KIAA1210: variants seen among roughly 807,000 people sequenced by gnomAD.
KIAA1210 encodes the protein acrosomal protein KIAA1210.
In KIAA1210, 48 loss-of-function variants were observed where a neutral mutation model predicts 78.9. The observed-to-expected ratio is 0.61, with a 90% CI of 0.48 to 0.77. KIAA1210 has a LOEUF of 0.77. Ranked by LOEUF, KIAA1210 falls within the 30% of genes least tolerant of loss-of-function variation. KIAA1210 has a pLI of 0.00. For missense variants in KIAA1210, 1,108 were observed against 1,100.0 expected (o/e 1.01, Z -0.10); for synonymous variants, 406 against 404.5 (o/e 1.00, Z -0.04).
At chrX:119,144,523 C>G in intron 2 of KIAA1210, among the ~76,000 whole-genome samples, 1 of 111,708 alleles carries the variant, frequency 9.0e-6, no homozygotes, top group Non-Finnish European at 1.9e-5. Context: ...TTTATTATTC[C>G]CACTTTACAG....
At chrX:119,140,293 C>A (rs1251563732) in intron 2 of KIAA1210, among the ~76,000 whole-genome samples, 1 of 111,176 alleles carries the variant, frequency 9.0e-6, no homozygotes, top group Non-Finnish European at 1.9e-5. Flanking sequence ...CCCTGGGAGG[C>A]CGAGGCAGGT....
intron 8 of KIAA1210, among the ~76,000 whole-genome samples, chrX:119,092,303 C>T (rs1272118172): frequency 9.0e-6 from 1 of 111,696 alleles, no homozygotes; most frequent in African/African-American, 3.3e-5. Context: ...CTATCTGCTG[C>T]ATCCTTAGCT....
chrX:119,094,157 G>T, intron 7 of KIAA1210: 2 of 740,248 alleles, frequency 2.7e-6, no homozygotes, highest in South Asian at 5.1e-5. Context: ...GGGATTCTCC[G>T]ATTTGCTTCA....
intron 10 of KIAA1210, among the ~76,000 whole-genome samples, chrX:119,083,998 CAAAAAAAAAAAAAA>C (rs751363845): frequency 1.8e-4 from 3 of 16,963 alleles, no homozygotes; most frequent in South Asian, 6.3e-3. Flanking sequence ...GAACCTGTCT[CAAAAAAAAAAAAAA>C]AAAAAAAAAA....
At chrX:119,133,620 GGGAACC>G (rs1569323459) in intron 2 of KIAA1210, among the ~76,000 whole-genome samples, 3 of 110,316 alleles carry the variant, frequency 2.7e-5, no homozygotes, top group African/African-American at 9.9e-5. Context: ...GCACCCTCAC[GGGAACC>G]TGGGTAGAGG....
In KIAA1210 at chrX:119,089,601, A is replaced by G. The variant is rs774771067; in HGVS notation, c.1101T>C (p.Ser367=). The G allele has an allele frequency of 8.3e-7, 1 of 1,211,580 alleles. No homozygotes were observed. The highest frequency in any genetic ancestry group is 1.1e-6 in the Non-Finnish European group (1 of 895,388). The change falls in exon 9 of 12, where the codon AGT becomes AGC. Residue 367 remains serine (S), a synonymous_variant. Transcript: ENST00000691062. ...ATTCACACCCACTCAATCCTGAAAC[A>G]CTTGCTCCTTTTCTTCTCCATCTTC... The part of the protein sequence containing the change: ...YGRRWRRKGA[S]VSGLSGCEFK...
At chrX:119,132,615 C>CA (rs1433702318), upstream of KIAA1210, among the ~76,000 whole-genome samples, 4 of 111,538 alleles carry the variant, frequency 3.6e-5, no homozygotes, top group African/African-American at 1.3e-4. Context: ...ACCCTCAGGA[C>CA]AATGTCTTTA....
In KIAA1210 at chrX:119,079,929, C is replaced by G. The variant is rs1245077058; in HGVS notation, c.*1400G>C. On this transcript the variant is annotated 3_prime_UTR_variant, in exon 12 of 12. Coordinates refer to ENST00000691062, the MANE Select transcript of KIAA1210 (RefSeq NM_001394962.1). Reference sequence around the variant, plus strand: ...TGCTTTGGGCTAAAACCTTGTGAAGCAAAGACAGCTGAGGGGAAAGGACAA... The same window carrying G: ...TGCTTTGGGCTAAAACCTTGTGAAGGAAAGACAGCTGAGGGGAAAGGACAA... The G allele has an allele frequency of 8.9e-6, 1 of 111,872 alleles. No homozygotes were observed. The highest frequency in any genetic ancestry group is 1.9e-5 in the Non-Finnish European group (1 of 53,200). The allele number at this position is 111,872 out of a possible 1,213,427, so 9.2% of individuals were successfully genotyped here. A position where few individuals can be genotyped will look rare whatever the true frequency, so the allele number is the denominator to read the frequency against.
chrX:119,144,822 C>A lies in KIAA1210; in HGVS notation c.410+2651G>T, dbSNP rs777411933. On this transcript the variant is annotated intron_variant, in intron 2 of 13. Coordinates refer to the KIAA1210 transcript ENST00000402510. ...TCCTGAAAAGTAGGTACCATTGTTA[C>A]TTCTTGTTTTACAGATGAGAAAACT... is the stretch of plus-strand genomic sequence containing the variant. Among the ~76,000 whole-genome samples, 8 of 111,840 alleles carry A rather than the reference C, an allele frequency of 7.2e-5. No homozygotes were observed. In the South Asian group the frequency reaches 2.7e-3, roughly 37 times the overall value.
chrX:119,101,790 G>C (rs1927741860), intron 6 of KIAA1210, among the ~76,000 whole-genome samples: 1 of 111,654 alleles, frequency 9.0e-6, no homozygotes, highest in Admixed American at 9.5e-5. Context: ...AACTAGTATA[G>C]AGAATAAGAA....
chrX:119,121,776 T>TA (rs910166087), intron 2 of KIAA1210, among the ~76,000 whole-genome samples: 7 of 105,924 alleles, frequency 6.6e-5, no homozygotes, highest in East Asian at 5.7e-4. Context: ...TATTTATTAT[T>TA]TTTTTTTTTT....
intron 3 of KIAA1210, among the ~76,000 whole-genome samples, chrX:119,110,872 A>C (rs773776658): frequency 9.0e-6 from 1 of 111,449 alleles, no homozygotes; most frequent in African/African-American, 3.2e-5. Context: ...AGTACTTCAC[A>C]AAATGATCTA....
intron 2 of KIAA1210, chrX:119,147,345 G>A (rs1929191116): frequency 9.3e-6 from 7 of 748,943 alleles, no homozygotes; most frequent in Non-Finnish European, 1.2e-5. Flanking sequence ...ATCTCAAATT[G>A]TAACCCACAC....
At chrX:119,109,288 T>C (rs757972783) in intron 3 of KIAA1210, 86 bp from the exon 4 acceptor site, 1 of 926,653 alleles carries the variant, frequency 1.1e-6, no homozygotes, top group African/African-American at 2.0e-5. Flanking sequence ...TGGCCTACCA[T>C]AGATACCTCA....
chrX:119,132,059 C>A (rs1181199207), upstream of KIAA1210, among the ~76,000 whole-genome samples: 3 of 111,419 alleles, frequency 2.7e-5, no homozygotes, highest in Non-Finnish European at 5.7e-5. Context: ...TGAGACCCTG[C>A]CTCAGAGGGG....
rs377593188 is a variant in KIAA1210, at chrX:119,088,386, T to A, written c.2316A>T (p.Arg772Ser). The part of the protein sequence containing the change: ...QSDSVEPIPP[R>S]HPFQPWVNPK... ...GGTTCACCCATGGCTGGAAAGGGTG[T>A]CTTGGAGGGATTGGCTCCACGGAAT... Residue 772 changes from arginine (R) to serine (S), a missense_variant, in exon 9 of 12, where the codon AGA (arginine) becomes AGT (serine). By Grantham distance (110) the Arg-to-Ser change is moderately radical. This residue lies in a region of KIAA1210 where 672 missense variants were observed against 607.1 expected (regional missense o/e 1.11). Coordinates refer to ENST00000691062, the MANE Select transcript of KIAA1210 (RefSeq NM_001394962.1). 8.3e-7 allele frequency: 1 copy of A among 1,211,139 alleles called. No homozygotes were observed. The highest frequency in any genetic ancestry group is 1.1e-6 in the Non-Finnish European group (1 of 895,265).
chrX:119,091,980 A>G (rs916496400), intron 8 of KIAA1210, among the ~76,000 whole-genome samples: 4 of 111,517 alleles, frequency 3.6e-5, no homozygotes, highest in Non-Finnish European at 7.5e-5. Context: ...AAAACTACAT[A>G]ATGGGTACAA....
intron 8 of KIAA1210, among the ~76,000 whole-genome samples, chrX:119,090,429 G>A (rs928885226): frequency 6.3e-5 from 7 of 110,479 alleles, no homozygotes; most frequent in African/African-American, 2.3e-4. Flanking sequence ...ATGCCACCAC[G>A]TCCAGATAAC....
intron 3 of KIAA1210, among the ~76,000 whole-genome samples, chrX:119,113,171 C>T (rs1458908503): frequency 9.1e-6 from 1 of 110,475 alleles, no homozygotes; most frequent in Admixed American, 9.7e-5. Context: ...TAGGGCCTGG[C>T]GGGCGTTGGG....
Sources: gnomAD v4.1 joint callset for allele counts (sites outside exome capture counted in the v4.1 genomes callset) on GRCh38, gnomAD v4.1.1 for gene constraint, gnomAD v4.1.1 regional missense constraint, MANE v1.5 for transcripts, NCBI Gene and HGNC (gene_info 2026-07-23, HGNC 2026-07-21) for gene names.